Variants in RANBP17 observed in about 807,000 individuals in gnomAD.
RANBP17 encodes ran-binding protein 17.
RANBP17 carries 158 observed loss-of-function variants against 141.2 expected under a neutral mutation model. The ratio of observed to expected loss-of-function variants is 1.12; its 90% CI spans 0.98 to 1.28. The LOEUF (loss-of-function observed/expected upper bound fraction) is 1.28, where lower values mean the gene tolerates loss of function less well. Among genes scored for constraint, RANBP17 ranks in the 50% most tolerant of loss-of-function variants. The probability of loss-of-function intolerance (pLI) is 0.00; values close to 1 mark genes in which losing one functional copy is unlikely to be tolerated. For missense variants in RANBP17, 1,438 were observed against 1,290.7 expected (o/e 1.11, Z -1.75); for synonymous variants, 430 against 450.0 (o/e 0.96, Z 0.56).
At chr5:170,907,929 A>G (rs1771204044) in intron 5 of RANBP17, among the ~76,000 whole-genome samples, 1 of 151,926 alleles carries the variant, frequency 6.6e-6, no homozygotes, top group African/African-American at 2.4e-5. Flanking sequence ...GAAATGTTCC[A>G]CATTACTCAT....
rs146426811 is a variant in RANBP17 at position 170,872,999 on chromosome 5, C to T, written c.19-5098C>T. Among the ~76,000 whole-genome samples, 355 of 152,292 alleles carry T rather than the reference C, an allele frequency of 2.3e-3. 1 individual carries two copies. The highest frequency in any genetic ancestry group is 7.7e-3 in the African/African-American group (321 of 41,566). ...CAATCTTGGCTCGCTGCAACCTCCA[C>T]CTCCAGGGTTCATGAGATTCTTCTG... On this transcript the variant is annotated intron_variant, in intron 1 of 27. Coordinates refer to ENST00000523189, the MANE Select transcript of RANBP17 (RefSeq NM_022897.5).
In RANBP17 at chr5:171,223,941, T is replaced by G. The variant is rs574435528; in HGVS notation, c.2422+2101T>G. ...ATACCTCTTTGTGGCTAGTTTTCTT[T>G]TGTATAAAATTAGGACTACTAAATA... On this transcript the variant is annotated intron_variant, in intron 22 of 27. Coordinates refer to ENST00000523189, the MANE Select transcript of RANBP17 (RefSeq NM_022897.5). 6.6e-5 allele frequency among the ~76,000 whole-genome samples: 10 copies of G among 152,352 alleles called. No individual in the cohort carries two copies. In the East Asian group the frequency reaches 1.2e-3, roughly 18 times the overall value.
At chr5:171,108,477 A>G (rs1290763337) in intron 14 of RANBP17, among the ~76,000 whole-genome samples, 1 of 152,130 alleles carries the variant, frequency 6.6e-6, no homozygotes, top group Non-Finnish European at 1.5e-5. Flanking sequence ...CAGTGGTACA[A>G]ACACAGCTCA....
At chr5:170,885,251 G>T (rs1769047109) in intron 3 of RANBP17, among the ~76,000 whole-genome samples, 1 of 152,160 alleles carries the variant, frequency 6.6e-6, no homozygotes. Context: ...ATTTAGCCAA[G>T]ATTTATTTCA....
chr5:171,191,580 G>T (rs917012387), intron 18 of RANBP17, among the ~76,000 whole-genome samples: 1 of 151,966 alleles, frequency 6.6e-6, no homozygotes, highest in African/African-American at 2.4e-5. Context: ...CCAGCTACTC[G>T]GGAGGCTGAG....
At chr5:171,280,936 G>A (rs1459433727) in intron 25 of RANBP17, among the ~76,000 whole-genome samples, 1 of 152,114 alleles carries the variant, frequency 6.6e-6, no homozygotes, top group Non-Finnish European at 1.5e-5. Flanking sequence ...GGTATACCTG[G>A]TTTTGAATAC....
intron 14 of RANBP17, among the ~76,000 whole-genome samples, chr5:171,152,529 T>C (rs1196852452): frequency 6.6e-6 from 1 of 152,136 alleles, no homozygotes; most frequent in East Asian, 1.9e-4. Context: ...CTAGGGTTCT[T>C]CCCACTTAGA....
chr5:171,147,198 T>C (rs997240806), intron 14 of RANBP17, among the ~76,000 whole-genome samples: 2 of 152,068 alleles, frequency 1.3e-5, no homozygotes, highest in Admixed American at 6.6e-5. Context: ...GTCAGTAGTA[T>C]TGAAGTTGAG....
At chr5:171,254,640 A>C (rs1765775618) in intron 24 of RANBP17, among the ~76,000 whole-genome samples, 1 of 152,210 alleles carries the variant, frequency 6.6e-6, no homozygotes, top group African/African-American at 2.4e-5. Context: ...GAAGTAATAT[A>C]TGTACATAAT....
intron 3 of RANBP17, among the ~76,000 whole-genome samples, chr5:170,891,599 C>G (rs1234345962): frequency 6.6e-6 from 1 of 152,108 alleles, no homozygotes; most frequent in African/African-American, 2.4e-5. Context: ...GGGGAGGCCT[C>G]AGGAAACTTC....
At position 171,007,831 on chromosome 5, in the gene RANBP17, T is replaced by A. The variant is rs558377965; in HGVS notation, c.1710+39454T>A. Among the ~76,000 whole-genome samples, 62 of 152,224 alleles carry A rather than the reference T, an allele frequency of 4.1e-4. 1 individual carries two copies. The South Asian group carries it at 0.012, about 31-fold the overall frequency. On this transcript the variant is annotated intron_variant, in intron 14 of 27. Transcript: ENST00000523189. ...AAGAGTTGAAGAGGTTTTAAGTTCT[T>A]GAGAACACAGGCTAAGGAGAAGAAG...
intron 22 of RANBP17, among the ~76,000 whole-genome samples, chr5:171,231,333 A>G (rs913377760): frequency 1.3e-5 from 2 of 152,066 alleles, no homozygotes. Flanking sequence ...TCCCTCCTAT[A>G]TGATAATGTG....
chr5:171,141,135 A>G (rs1435277343), intron 14 of RANBP17, among the ~76,000 whole-genome samples: 6 of 151,740 alleles, frequency 4.0e-5, no homozygotes, highest in African/African-American at 1.2e-4. Context: ...TCCTTTCCCT[A>G]CTCTTTACTA....
At chr5:171,021,932 T>C (rs1211414579) in intron 14 of RANBP17, among the ~76,000 whole-genome samples, 1 of 152,214 alleles carries the variant, frequency 6.6e-6, no homozygotes. Context: ...TTGAGGCTGC[T>C]AACCCTTGAA....
intron 14 of RANBP17, among the ~76,000 whole-genome samples, chr5:170,970,236 G>A (rs746414901): frequency 1.3e-5 from 2 of 151,558 alleles, no homozygotes; most frequent in African/African-American, 2.4e-5. Context: ...TTCTTGGTGG[G>A]TGTATTGTCT....
chr5:171,118,523 A>G (rs1755802055), intron 14 of RANBP17, among the ~76,000 whole-genome samples: 1 of 152,098 alleles, frequency 6.6e-6, no homozygotes, highest in African/African-American at 2.4e-5. Flanking sequence ...CTTCTGATCC[A>G]TGAGCATAGG....
chr5:170,950,841 G>A (rs1217506922), intron 12 of RANBP17, among the ~76,000 whole-genome samples: 1 of 152,086 alleles, frequency 6.6e-6, no homozygotes, highest in Non-Finnish European at 1.5e-5. Context: ...CATTCCCGTT[G>A]ATGGATGGAT....
chr5:171,053,878 C>CATAT (rs58623197), intron 14 of RANBP17, among the ~76,000 whole-genome samples: 30 of 17,214 alleles, frequency 1.7e-3, no homozygotes, highest in Non-Finnish European at 2.5e-3. Flanking sequence ...GTGTTTAGTT[C>CATAT]ATATATATAT....
intron 25 of RANBP17, among the ~76,000 whole-genome samples, chr5:171,266,773 G>A (rs1316335612): frequency 6.6e-6 from 1 of 151,934 alleles, no homozygotes; most frequent in African/African-American, 2.4e-5. Context: ...TTAGCCAGGC[G>A]TGGTGGTGCT....
Sources: gnomAD v4.1 joint callset for allele counts (sites outside exome capture counted in the v4.1 genomes callset) on GRCh38, gnomAD v4.1.1 for gene constraint, MANE v1.5 for transcripts, NCBI Gene and HGNC (gene_info 2026-07-23, HGNC 2026-07-21) for gene names.